Variants in HACE1 observed in about 807,000 individuals in gnomAD.
HACE1 encodes HECT domain and ankyrin repeat containing E3 ubiquitin protein ligase 1.
A neutral mutation model predicts 118.4 loss-of-function variants in HACE1; 73 were observed. That is an observed-to-expected ratio of 0.62 (90% CI 0.51 to 0.75). The LOEUF is 0.75. Ranked by LOEUF, HACE1 falls within the 30% of genes least tolerant of loss-of-function variation. The pLI, the probability that HACE1 is intolerant of heterozygous loss-of-function variation, is 0.00. For missense variants in HACE1, 749 were observed against 1,102.2 expected (o/e 0.68, Z 4.54); for synonymous variants, 368 against 374.8 (o/e 0.98, Z 0.21).
chr6:104,829,851 G>A (rs1490341773), intron 6 of HACE1, among the ~76,000 whole-genome samples: 3 of 152,182 alleles, frequency 2.0e-5, no homozygotes, highest in Admixed American at 1.3e-4. Context: ...ATCTGACTAT[G>A]AGGAATTCTC....
In HACE1 at chr6:104,791,639, A is replaced by G. The variant is rs144806716; in HGVS notation, c.939T>C (p.Tyr313=). 16 of 1,608,572 alleles carry G rather than the reference A, an allele frequency of 9.9e-6. No individual in the cohort carries two copies. Among genetic ancestry groups the G allele is most frequent in the Non-Finnish European group, 1.3e-5 (15 of 1,175,220 alleles). Reference sequence around the variant, plus strand: ...TTAAAAGGCTCTTCATTTGAGCATCATAATTGCTAGAGAGGCTGAAAATAA... The same window carrying G: ...TTAAAAGGCTCTTCATTTGAGCATCGTAATTGCTAGAGAGGCTGAAAATAA... ...GHKLLSLSSN[Y]DAQMKSLLRI... Residue 313 remains tyrosine (Y), a synonymous_variant, in exon 11 of 24, where the codon TAT becomes TAC. Coordinates refer to ENST00000262903, the MANE Select transcript of HACE1 (RefSeq NM_020771.4).
At chr6:104,844,123 C>A (rs1007428210) in intron 4 of HACE1, among the ~76,000 whole-genome samples, 1 of 145,564 alleles carries the variant, frequency 6.9e-6, no homozygotes, top group African/African-American at 2.6e-5. Context: ...CTGCAACCTC[C>A]GCCTCCCAGG....
chr6:104,769,982 T>C (rs1780438631), intron 19 of HACE1, among the ~76,000 whole-genome samples: 1 of 152,192 alleles, frequency 6.6e-6, no homozygotes, highest in African/African-American at 2.4e-5. Flanking sequence ...CTAACTTTTG[T>C]GCTGTGCTTT....
At chr6:104,783,350 C>T (rs1327796554) in intron 14 of HACE1, among the ~76,000 whole-genome samples, 1 of 152,204 alleles carries the variant, frequency 6.6e-6, no homozygotes, top group African/African-American at 2.4e-5. Context: ...ATTATCTCCC[C>T]AGCCAGACTG....
intron 6 of HACE1, among the ~76,000 whole-genome samples, chr6:104,832,383 TG>T (rs1477862041): frequency 5.6e-4 from 28 of 50,152 alleles, no homozygotes; most frequent in Non-Finnish European, 1.2e-3. Context: ...TCCTGTTTTT[TG>T]TTGTTGTTGT....
rs1309120773 is a variant in HACE1, at chr6:104,859,872, TC to T, written c.-231del. On this transcript the variant is annotated 5_prime_UTR_variant, in exon 1 of 24. Transcript: ENST00000262903. ...CCGCCGCCGCCTCTGCTCGCGCCTT[TC>T]CTGCAGCCCCCGCCGCCGCGTCCCT... 6 of 490,524 alleles carry T rather than the reference TC, an allele frequency of 1.2e-5. No homozygotes were observed. The highest frequency in any genetic ancestry group is 2.2e-5 in the Non-Finnish European group (6 of 278,896). 30.4% of individuals were successfully genotyped at this position (490,524 alleles called of 1,614,324 possible).
At chr6:104,840,276 T>C (rs981420796) in intron 5 of HACE1, among the ~76,000 whole-genome samples, 6 of 152,186 alleles carry the variant, frequency 3.9e-5, no homozygotes, top group Non-Finnish European at 8.8e-5. Context: ...ACCAACTATT[T>C]GGCTTAACTA....
At chr6:104,775,451 T>C (rs1046236026) in intron 17 of HACE1, among the ~76,000 whole-genome samples, 1 of 152,156 alleles carries the variant, frequency 6.6e-6, no homozygotes, top group Non-Finnish European at 1.5e-5. Flanking sequence ...TATAAATCTG[T>C]AACATTAAGG....
chr6:104,802,342 G>A (rs1374844848), intron 7 of HACE1, among the ~76,000 whole-genome samples: 1 of 152,142 alleles, frequency 6.6e-6, no homozygotes, highest in Admixed American at 6.6e-5. Context: ...TCCAGGAATT[G>A]AACTCAGCTC....
intron 5 of HACE1, among the ~76,000 whole-genome samples, chr6:104,839,680 A>G (rs1774901902): frequency 6.6e-6 from 1 of 152,210 alleles, no homozygotes; most frequent in African/African-American, 2.4e-5. Context: ...ATAGAACTTA[A>G]AATACATAAA....
At chr6:104,842,429 C>T (rs912092393) in intron 5 of HACE1, 2 of 152,152 alleles carry the variant, frequency 1.3e-5, no homozygotes, top group Non-Finnish European at 2.9e-5. Flanking sequence ...CGTGGTGAAA[C>T]CCCGTCTCTA....
chr6:104,811,882 C>T (rs939612653), intron 6 of HACE1, among the ~76,000 whole-genome samples: 1 of 151,934 alleles, frequency 6.6e-6, no homozygotes, highest in Non-Finnish European at 1.5e-5. Flanking sequence ...TAATAACTTT[C>T]CCAAAGTCAA....
intron 6 of HACE1, among the ~76,000 whole-genome samples, chr6:104,819,693 T>A (rs942321498): frequency 1.3e-5 from 2 of 151,988 alleles, no homozygotes; most frequent in African/African-American, 4.8e-5. Flanking sequence ...AACAGACACA[T>A]AGACCAATGA....
intron 7 of HACE1, among the ~76,000 whole-genome samples, chr6:104,807,745 G>A (rs1771170251): frequency 6.6e-6 from 1 of 152,088 alleles, no homozygotes; most frequent in South Asian, 2.1e-4. Flanking sequence ...CATGACAGAA[G>A]GAATGAGTTA....
chr6:104,741,054 A>C (rs1776617767), intron 22 of HACE1, among the ~76,000 whole-genome samples: 2 of 129,282 alleles, frequency 1.5e-5, no homozygotes, highest in African/African-American at 3.4e-5. Context: ...AACCAAAGAC[A>C]AAAACCACAT....
intron 20 of HACE1, among the ~76,000 whole-genome samples, chr6:104,747,418 A>C (rs1442343454): frequency 6.6e-6 from 1 of 152,068 alleles, no homozygotes; most frequent in Non-Finnish European, 1.5e-5. Flanking sequence ...TCCTCACTAA[A>C]ACTCTAGAAT....
At chr6:104,815,150 A>G (rs1167782580) in intron 6 of HACE1, among the ~76,000 whole-genome samples, 1 of 137,378 alleles carries the variant, frequency 7.3e-6, no homozygotes, top group Non-Finnish European at 1.6e-5. Flanking sequence ...CTTCCCAGAG[A>G]CTTGTTGAAT....
intron 2 of HACE1, 97 bp downstream of exon 2, chr6:104,852,220 T>C (rs1776291987): frequency 4.2e-6 from 3 of 713,614 alleles, no homozygotes; most frequent in African/African-American, 4.0e-5. Context: ...TGTGTGTGTG[T>C]GTGTGTGTGC....
chr6:104,804,180 G>C (rs1245560067), intron 7 of HACE1, among the ~76,000 whole-genome samples: 2 of 152,124 alleles, frequency 1.3e-5, no homozygotes, highest in Non-Finnish European at 2.9e-5. Flanking sequence ...CCTCTTCAAG[G>C]AGAACTACAA....
Sources: gnomAD v4.1 joint callset for allele counts (sites outside exome capture counted in the v4.1 genomes callset) on GRCh38, gnomAD v4.1.1 for gene constraint, MANE v1.5 for transcripts, NCBI Gene and HGNC (gene_info 2026-07-23, HGNC 2026-07-21) for gene names.